Variants in KIAA0825 observed in about 807,000 individuals in gnomAD.
The protein encoded by KIAA0825 is KIAA0825.
In KIAA0825, 119 loss-of-function variants were observed where a neutral mutation model predicts 147.6. That is an observed-to-expected ratio of 0.81 (90% CI 0.69 to 0.94). KIAA0825 has a LOEUF of 0.94. Ranked by LOEUF, KIAA0825 falls within the 40% of genes least tolerant of loss-of-function variation. The pLI is 0.00. For missense variants in KIAA0825, 1,381 were observed against 1,472.7 expected, an observed-to-expected ratio of 0.94 and a Z score of 1.02; for synonymous variants, 470 against 518.1, an observed-to-expected ratio of 0.91 and a Z score of 1.26.
At chr5:94,603,894 GCAAC>G (rs1004354225) in intron 1 of KIAA0825, among the ~76,000 whole-genome samples, 2 of 152,194 alleles carry the variant, frequency 1.3e-5, no homozygotes, top group African/African-American at 4.8e-5. Context: ...GAATATATAT[GCAAC>G]CAACAAAGGA....
rs1238690515 is a variant in KIAA0825 at position 94,403,724 on chromosome 5, T to A, written c.2732A>T (p.Lys911Met). 6.4e-7 allele frequency: 1 copy of A among 1,551,618 alleles called. No individual in the cohort carries two copies. Among genetic ancestry groups the A allele is most frequent in the Admixed American group, 2.0e-5 (1 of 50,996 alleles). The change falls in exon 16 of 21, where the codon AAG (lysine) becomes ATG (methionine). Residue 911 changes from lysine to methionine, a missense_variant. Transcript: ENST00000682413. ...CLRLALTDAI[K>M]DTVQQIVSVM... ...AGATACTATCTGCTGTACAGTGTCC[T>A]TGATGGCATCGGTCAGTGCCAGTCT...
chr5:94,239,933 C>T (rs1775262586), intron 20 of KIAA0825, among the ~76,000 whole-genome samples: 1 of 152,144 alleles, frequency 6.6e-6, no homozygotes, highest in Admixed American at 6.5e-5. Context: ...GATGTAAAAG[C>T]TCACAAGTGA....
intron 20 of KIAA0825, among the ~76,000 whole-genome samples, chr5:94,191,331 A>G (rs1770660272): frequency 6.6e-6 from 1 of 152,156 alleles, no homozygotes; most frequent in Admixed American, 6.5e-5. Context: ...CATTCTAGAG[A>G]GAAAACATTT....
chr5:94,318,419 A>C (rs989041212), intron 20 of KIAA0825, among the ~76,000 whole-genome samples: 3 of 151,944 alleles, frequency 2.0e-5, no homozygotes, highest in South Asian at 2.1e-4. Flanking sequence ...TCTCATACAA[A>C]TAATATTAAT....
chr5:94,590,348 G>A (rs1232879462), intron 1 of KIAA0825, among the ~76,000 whole-genome samples: 1 of 152,044 alleles, frequency 6.6e-6, no homozygotes, highest in East Asian at 1.9e-4. Flanking sequence ...TCTTTCTATG[G>A]TGTCTGGTAT....
chr5:94,320,476 C>T (rs1319747011), intron 20 of KIAA0825, among the ~76,000 whole-genome samples: 2 of 150,844 alleles, frequency 1.3e-5, no homozygotes, highest in Non-Finnish European at 3.0e-5. Flanking sequence ...CTTCATCCAC[C>T]CCCCTCACCA....
chr5:94,396,724 G>T (rs1750711573), intron 16 of KIAA0825, among the ~76,000 whole-genome samples: 1 of 150,738 alleles, frequency 6.6e-6, no homozygotes, highest in Admixed American at 6.6e-5. Context: ...TCTCATAAAT[G>T]ATTAGAAAAT....
At chr5:94,244,134 G>A (rs964864038) in intron 20 of KIAA0825, among the ~76,000 whole-genome samples, 2 of 152,158 alleles carry the variant, frequency 1.3e-5, no homozygotes, top group Non-Finnish European at 1.5e-5. Context: ...AGGTCTTGCA[G>A]CATGAGATAG....
chr5:94,565,272 T>C (rs1778492077), intron 2 of KIAA0825, among the ~76,000 whole-genome samples: 1 of 151,170 alleles, frequency 6.6e-6, no homozygotes, highest in Non-Finnish European at 1.5e-5. Context: ...TAACTCATTC[T>C]CTATCTGCTG....
rs535123694 is a variant in KIAA0825, at chr5:94,223,991, T to C, written c.3711-69867A>G. ...CCAACCTATAATTATTTTCTGCTAATTAGAGTAATTCATGGTTAATTATTC... is the reference window on the plus strand; with the variant it reads ...CCAACCTATAATTATTTTCTGCTAACTAGAGTAATTCATGGTTAATTATTC... On this transcript the variant is annotated intron_variant, in intron 20 of 20. Transcript: ENST00000682413. 3.9e-4 allele frequency among the ~76,000 whole-genome samples: 60 copies of C among 152,040 alleles called. No homozygotes were observed. The Middle Eastern group carries it at 0.01, about 26-fold the overall frequency.
chr5:94,279,411 A>G (rs1040618090), intron 20 of KIAA0825, among the ~76,000 whole-genome samples: 4 of 152,102 alleles, frequency 2.6e-5, no homozygotes, highest in South Asian at 2.1e-4. Flanking sequence ...AACAATGACT[A>G]TGCCACAATA....
chr5:94,421,795 C>T (rs1165352138), intron 14 of KIAA0825, among the ~76,000 whole-genome samples: 2 of 152,062 alleles, frequency 1.3e-5, no homozygotes, highest in Non-Finnish European at 2.9e-5. Flanking sequence ...CCCCAATATT[C>T]CAAGATAATT....
At chr5:94,565,076 CTCTCT>C (rs1778421687) in intron 2 of KIAA0825, among the ~76,000 whole-genome samples, 1 of 110,024 alleles carries the variant, frequency 9.1e-6, no homozygotes, top group Non-Finnish European at 1.9e-5. Context: ...GTCTCTCTTT[CTCTCT>C]CTTTCTTGCT....
intron 20 of KIAA0825, among the ~76,000 whole-genome samples, chr5:94,357,362 G>GA (rs1321029667): frequency 6.6e-6 from 1 of 151,678 alleles, no homozygotes; most frequent in Non-Finnish European, 1.5e-5. Flanking sequence ...ATAAGCATAA[G>GA]AAAAAAATCA....
At chr5:94,350,637 G>A (rs899513127) in intron 20 of KIAA0825, among the ~76,000 whole-genome samples, 4 of 152,054 alleles carry the variant, frequency 2.6e-5, no homozygotes, top group African/African-American at 7.2e-5. Flanking sequence ...TACACAAGTC[G>A]ATAAATGTGA....
chr5:94,356,576 A>T (rs1784286111), intron 20 of KIAA0825, among the ~76,000 whole-genome samples: 1 of 151,188 alleles, frequency 6.6e-6, no homozygotes, highest in African/African-American at 2.4e-5. Flanking sequence ...GCGCCACCGG[A>T]CTCCAGCCTG....
chr5:94,583,875 G>C (rs902622132), intron 1 of KIAA0825, among the ~76,000 whole-genome samples: 3 of 152,058 alleles, frequency 2.0e-5, no homozygotes, highest in Non-Finnish European at 4.4e-5. Context: ...TTCCACTGGT[G>C]ATACACAGGC....
At chr5:94,613,238 A>G (rs1018771364) in intron 1 of KIAA0825, among the ~76,000 whole-genome samples, 5 of 152,220 alleles carry the variant, frequency 3.3e-5, no homozygotes, top group African/African-American at 9.6e-5. Context: ...TCTGTCACCC[A>G]GGTTGGAGTG....
At chr5:94,565,002 C>T (rs1362902548) in intron 2 of KIAA0825, among the ~76,000 whole-genome samples, 9 of 124,878 alleles carry the variant, frequency 7.2e-5, no homozygotes, top group African/African-American at 2.8e-4. Flanking sequence ...TCCTCTCTCT[C>T]TCTCTCCCTC....
Sources: allele counts gnomAD v4.1 joint callset (sites outside exome capture counted in the v4.1 genomes callset), GRCh38; gene constraint gnomAD v4.1.1; transcripts MANE v1.5; gene names NCBI Gene and HGNC (gene_info 2026-07-23, HGNC 2026-07-21).